The following PTPRS variants were observed in gnomAD, a reference collection of about 807,000 sequenced individuals.
PTPRS encodes the protein receptor-type tyrosine-protein phosphatase S.
PTPRS carries 63 observed loss-of-function variants against 215.3 expected under a neutral mutation model. The ratio of observed to expected loss-of-function variants is 0.29; its 90% confidence interval spans 0.24 to 0.36. The LOEUF (loss-of-function observed/expected upper bound fraction) is 0.36, where lower values mean the gene tolerates loss of function less well. Ranked by LOEUF, PTPRS falls within the 10% of genes least tolerant of loss-of-function variation. The probability of loss-of-function intolerance (pLI) is 1.00; values close to 1 mark genes in which losing one functional copy is unlikely to be tolerated. For synonymous variants in PTPRS, 1,404 were observed against 1,191.4 expected (o/e 1.18, Z -3.68); for missense variants, 2,258 against 2,825.8 (o/e 0.80, Z 4.56).
chr19:5,292,241 A>T (rs558992584), intron 1 of PTPRS, among the ~76,000 whole-genome samples: 27 of 152,312 alleles, frequency 1.8e-4, no homozygotes, highest in African/African-American at 6.5e-4. Context: ...TATCCACAGC[A>T]TCCCTGGCGT....
chr19:5,291,130 C>A lies in PTPRS; in HGVS notation c.-94-4896G>T, dbSNP rs189243158. ...AATTGACTATTGATTTGTATTGGGA[C>A]GACGTGAAGGCTCAGGGCACTGTCC... On this transcript the variant is annotated intron_variant, in intron 1 of 37. Coordinates refer to ENST00000262963, the MANE Select transcript of PTPRS (RefSeq NM_002850.4). Among the ~76,000 whole-genome samples, 254 of 152,062 alleles carry A rather than the reference C, an allele frequency of 1.7e-3. 1 individual carries two copies. The highest frequency in any genetic ancestry group is 5.9e-3 in the African/African-American group (243 of 41,484).
At chr19:5,300,767 CAAA>C (rs59799136) in intron 1 of PTPRS, among the ~76,000 whole-genome samples, 5 of 97,742 alleles carry the variant, frequency 5.1e-5, no homozygotes, top group Non-Finnish European at 6.1e-5. Context: ...GACTCCGTCT[CAAA>C]AAAAAAAAAA....
chr19:5,287,729 C>T lies in PTPRS; in HGVS notation c.-94-1495G>A, dbSNP rs1488712174. On this transcript the variant is annotated intron_variant, in intron 1 of 37. Coordinates refer to ENST00000262963, the MANE Select transcript of PTPRS (RefSeq NM_002850.4). The surrounding 1 kb of genome is among the most constrained non-coding windows in gnomAD (Gnocchi z 4.8). ...AAGGATGGGCGGGTAGTGGCCGGGTCACAGCCTAGGGTGACGAACGGGATT... is the reference window on the plus strand; with the variant it reads ...AAGGATGGGCGGGTAGTGGCCGGGTTACAGCCTAGGGTGACGAACGGGATT... Among the ~76,000 whole-genome samples, 1 of 152,162 alleles carries T rather than the reference C, an allele frequency of 6.6e-6. No individual in the cohort carries two copies. Among genetic ancestry groups the T allele is most frequent in the Non-Finnish European group, 1.5e-5 (1 of 68,012 alleles).
At chr19:5,246,543 C>A (rs1408776825) in intron 9 of PTPRS, among the ~76,000 whole-genome samples, 3 of 152,182 alleles carry the variant, frequency 2.0e-5, no homozygotes, top group Admixed American at 2.0e-4. Context: ...CTTCGGGGAG[C>A]GCTGGAAGAT....
Position 5,306,749 on chromosome 19 carries a change from G to A in PTPRS, c.-94-20515C>T, listed in dbSNP as rs540679354. ...CCAGTGAAGGGCAGCTGGGGTGGAA[G>A]GTCGGGTTACAGCTTGTTCTAAACA... is the stretch of plus-strand genomic sequence containing the variant. On this transcript the variant is annotated intron_variant, in intron 1 of 37. Transcript: ENST00000262963. 9.8e-5 allele frequency among the ~76,000 whole-genome samples: 15 copies of A among 152,294 alleles called. 1 individual carries two copies. The highest frequency in any genetic ancestry group is 2.0e-4 in the Admixed American group (3 of 15,292).
At chr19:5,239,925 A>C (rs1249291831) in intron 12 of PTPRS, among the ~76,000 whole-genome samples, 1 of 152,126 alleles carries the variant, frequency 6.6e-6, no homozygotes, top group Non-Finnish European at 1.5e-5. Context: ...ACACAGAGAG[A>C]AGCACAGATC....
intron 20 of PTPRS, 48 bp from the exon 21 acceptor site, chr19:5,220,401 CA>C: frequency 6.7e-7 from 1 of 1,497,138 alleles, no homozygotes; most frequent in South Asian, 1.2e-5. Context: ...TAGGGATGAC[CA>C]AGGGATGCTT....
At chr19:5,212,708 T>G (rs1599371904) in intron 30 of PTPRS, among the ~76,000 whole-genome samples, 1 of 152,132 alleles carries the variant, frequency 6.6e-6, no homozygotes, top group Non-Finnish European at 1.5e-5. Flanking sequence ...CTAGGCATGG[T>G]GGTGCATGCC....
intron 35 of PTPRS, among the ~76,000 whole-genome samples, chr19:5,209,736 C>T (rs1192341472): frequency 6.6e-6 from 1 of 152,208 alleles, no homozygotes; most frequent in Non-Finnish European, 1.5e-5. Context: ...CTGACATTCT[C>T]CATCCTGTTA....
At chr19:5,267,454 C>T (rs547814187) in intron 4 of PTPRS, among the ~76,000 whole-genome samples, 4 of 152,086 alleles carry the variant, frequency 2.6e-5, no homozygotes, top group African/African-American at 7.2e-5. Context: ...GTCAGGAGTT[C>T]GAGACCAGCC....
At chr19:5,327,635 G>A (rs542057303) in intron 1 of PTPRS, among the ~76,000 whole-genome samples, 38 of 152,110 alleles carry the variant, frequency 2.5e-4, no homozygotes, top group African/African-American at 8.4e-4. Context: ...ACAGGGTCTC[G>A]CTCTGTTACC....
chr19:5,236,529 G>A (rs1384557479), intron 13 of PTPRS, among the ~76,000 whole-genome samples: 2 of 152,242 alleles, frequency 1.3e-5, no homozygotes, highest in African/African-American at 2.4e-5. Flanking sequence ...CTCGTGGCAA[G>A]AGCATTAGAA....
chr19:5,223,979 G>C (rs1324994378), intron 17 of PTPRS, among the ~76,000 whole-genome samples: 1 of 150,976 alleles, frequency 6.6e-6, no homozygotes, highest in East Asian at 2.0e-4. Flanking sequence ...AGGAGTTCGA[G>C]ACCAGCCTGG....
In PTPRS at chr19:5,338,677, G is replaced by C. The variant is rs999772817; in HGVS notation, c.-95+1987C>G. Among the ~76,000 whole-genome samples the C allele has an allele frequency of 1.3e-5, 2 of 151,890 alleles. No individual in the cohort carries two copies. Among genetic ancestry groups the C allele is most frequent in the Admixed American group, 6.6e-5 (1 of 15,264 alleles). On this transcript the variant is annotated intron_variant, in intron 1 of 37. Coordinates refer to ENST00000262963, the MANE Select transcript of PTPRS (RefSeq NM_002850.4). The surrounding 1 kb of genome is among the most constrained non-coding windows in gnomAD (Gnocchi z 4.2). ...AAGAGCAGAGGGACAGAAGGCAGGC[G>C]CGATTGGCAGGGGGAGGGGGGCACA...
chr19:5,269,187 C>G (rs767722909), intron 4 of PTPRS, among the ~76,000 whole-genome samples: 43 of 152,064 alleles, frequency 2.8e-4, no homozygotes, highest in Non-Finnish European at 5.4e-4. Flanking sequence ...CACGCTTGCC[C>G]GTGCCCACGT....
Position 5,215,660 on chromosome 19 carries a change from G to T in PTPRS, c.4097-65C>A, listed in dbSNP as rs930046371. On this transcript the variant is annotated intron_variant, in intron 26 of 37. Transcript: ENST00000262963. The stretch of plus-strand genomic sequence containing the variant: ...GGGGGCCAGCCGGGGACTCGGGGGA[G>T]GGGGGTGATCTACGTGTGAGTCTGC... 6 of 1,096,760 alleles carry T rather than the reference G, an allele frequency of 5.5e-6. No homozygotes were observed. In the Admixed American group the frequency reaches 6.2e-5, roughly 11 times the overall value. 67.9% of individuals were successfully genotyped at this position (1,096,760 alleles called of 1,614,324 possible). A position where few individuals can be genotyped will look rare whatever the true frequency, so the allele number is the denominator to read the frequency against.
intron 33 of PTPRS, among the ~76,000 whole-genome samples, chr19:5,211,095 C>T (rs2040835524): frequency 6.6e-6 from 1 of 152,256 alleles, no homozygotes; most frequent in African/African-American, 2.4e-5. Context: ...CACTGCCCTA[C>T]TTTCAGTTGC....
chr19:5,297,483 C>T (rs1024206129), intron 1 of PTPRS, among the ~76,000 whole-genome samples: 23 of 152,138 alleles, frequency 1.5e-4, no homozygotes, highest in Non-Finnish European at 1.2e-4. Context: ...CACTCCTGCC[C>T]CTGTTGGGGG....
chr19:5,242,995 T>C (rs1407675342), intron 11 of PTPRS, among the ~76,000 whole-genome samples: 1 of 152,104 alleles, frequency 6.6e-6, no homozygotes, highest in Non-Finnish European at 1.5e-5. Context: ...CCTATATATG[T>C]TTCTTAAGAA....
Sources: allele counts gnomAD v4.1 joint callset (sites outside exome capture counted in the v4.1 genomes callset), GRCh38; gene constraint gnomAD v4.1.1; non-coding constraint Gnocchi (gnomAD v3.1); transcripts MANE v1.5; gene names NCBI Gene and HGNC (gene_info 2026-07-23, HGNC 2026-07-21).